SPTLC2: variants seen among roughly 807,000 people sequenced by gnomAD.
SPTLC2 encodes serine palmitoyltransferase 2.
A neutral mutation model predicts 62.0 loss-of-function variants in SPTLC2; 21 were observed. That is an observed-to-expected ratio of 0.34 (90% CI 0.24 to 0.49). SPTLC2 has a LOEUF of 0.49. Ranked by LOEUF, SPTLC2 falls within the 20% of genes least tolerant of loss-of-function variation. The pLI, the probability that SPTLC2 is intolerant of heterozygous loss-of-function variation, is 0.99. For missense variants in SPTLC2, 511 were observed against 713.0 expected (o/e 0.72, Z 3.23); for synonymous variants, 261 against 261.8 (o/e 1.00, Z 0.03).
intron 4 of SPTLC2, 22 bp from the exon 5 acceptor site, chr14:77,570,530 G>C (rs759433063): frequency 6.2e-7 from 1 of 1,607,612 alleles, no homozygotes; most frequent in Non-Finnish European, 8.5e-7. Context: ...AGTTAATAAA[G>C]TCAGTATCAC....
intron 1 of SPTLC2, among the ~76,000 whole-genome samples, chr14:77,614,195 T>C (rs2079952489): frequency 6.6e-6 from 1 of 152,220 alleles, no homozygotes; most frequent in Admixed American, 6.5e-5. Context: ...CCTTATTAGT[T>C]GGCAAGCTCT....
In SPTLC2 at chr14:77,507,204, T is replaced by C. The variant is rs1001315777; in HGVS notation, c.*5080A>G. 2.0e-5 allele frequency: 3 copies of C among 152,204 alleles called. No homozygotes were observed. Among genetic ancestry groups the C allele is most frequent in the Non-Finnish European group, 2.9e-5 (2 of 68,048 alleles). 9.4% of individuals were successfully genotyped at this position (152,204 alleles called of 1,614,324 possible). A position where few individuals can be genotyped will look rare whatever the true frequency, so the allele number is the denominator to read the frequency against. On this transcript the variant is annotated 3_prime_UTR_variant, in exon 12 of 12. Transcript: ENST00000216484. ...GGAAATGACAAAAGGAACAACAGTA[T>C]TTTCTATACATTAAAAGCAAAGGGA...
At chr14:77,549,105 A>G (rs2079543232) in intron 9 of SPTLC2, among the ~76,000 whole-genome samples, 1 of 151,358 alleles carries the variant, frequency 6.6e-6, no homozygotes, top group Admixed American at 6.6e-5. Context: ...TGTGTGGATC[A>G]TGGGGAGGAT....
chr14:77,567,008 T>TC (rs1438143895), intron 5 of SPTLC2, among the ~76,000 whole-genome samples: 1 of 152,060 alleles, frequency 6.6e-6, no homozygotes, highest in East Asian at 1.9e-4. Context: ...TCTCGCTCTG[T>TC]CCCCCAGGCT....
intron 5 of SPTLC2, among the ~76,000 whole-genome samples, chr14:77,565,982 G>C (rs1201188687): frequency 6.6e-6 from 1 of 152,130 alleles, no homozygotes; most frequent in Non-Finnish European, 1.5e-5. Flanking sequence ...AGAAAATAAA[G>C]AGAAGTCAGA....
chr14:77,527,742 T>C, intron 9 of SPTLC2, among the ~76,000 whole-genome samples: 2 of 42,954 alleles, frequency 4.7e-5, no homozygotes, highest in South Asian at 1.2e-3. Flanking sequence ...GACTGCTTTT[T>C]TTTTTGTTTT....
At chr14:77,567,825 A>G (rs1367019239) in intron 5 of SPTLC2, among the ~76,000 whole-genome samples, 8 of 128,772 alleles carry the variant, frequency 6.2e-5, no homozygotes, top group Non-Finnish European at 1.2e-4. Context: ...TTTAAGCTAC[A>G]AGCTTTACTT....
At chr14:77,533,930 G>A (rs1041099580) in intron 9 of SPTLC2, among the ~76,000 whole-genome samples, 5 of 152,028 alleles carry the variant, frequency 3.3e-5, no homozygotes, top group African/African-American at 4.8e-5. Flanking sequence ...AGGCCGAGGC[G>A]GGAGGATCCC....
At chr14:77,527,815 G>A (rs4903591) in intron 9 of SPTLC2, among the ~76,000 whole-genome samples, 1 of 151,830 alleles carries the variant, frequency 6.6e-6, no homozygotes, top group Admixed American at 6.6e-5. Flanking sequence ...AGACATTTTT[G>A]TCTTAAACTA....
Position 77,597,262 on chromosome 14 carries a change from A to T in SPTLC2, c.251T>A (p.Phe84Tyr), listed in dbSNP as rs746789628. The T allele has an allele frequency of 1.2e-6, 2 of 1,614,194 alleles. No homozygotes were observed. Among genetic ancestry groups the T allele is most frequent in the South Asian group, 2.2e-5 (2 of 91,078 alleles). Residue 84 changes from phenylalanine (F) to tyrosine (Y), a missense_variant, in exon 2 of 12, where the codon TTT becomes TAT. By Grantham distance (22) the Phe-to-Tyr change is conservative (BLOSUM62 3). Coordinates refer to ENST00000216484, the MANE Select transcript of SPTLC2 (RefSeq NM_004863.4). The part of the protein sequence containing the change: ...TYVGYGVLTL[F>Y]GYLRDFLRYW... Reference sequence around the variant, plus strand: ...CCTCAAGAAATCTCGAAGATATCCAAAGAGGGTGAGTACGCCATACCCCAC... The same window carrying T: ...CCTCAAGAAATCTCGAAGATATCCATAGAGGGTGAGTACGCCATACCCCAC...
intron 1 of SPTLC2, among the ~76,000 whole-genome samples, chr14:77,609,956 G>A (rs189833340): frequency 7.3e-4 from 111 of 152,206 alleles, no homozygotes; most frequent in Admixed American, 4.1e-3. Context: ...CATTTTTCTT[G>A]GGAGTAGAAT....
At chr14:77,573,244 G>A (rs1283056435) in intron 4 of SPTLC2, among the ~76,000 whole-genome samples, 1 of 152,168 alleles carries the variant, frequency 6.6e-6, no homozygotes, top group Non-Finnish European at 1.5e-5. Context: ...TATAGAGTTA[G>A]AAGAAATAAG....
chr14:77,522,611 G>T (rs1445831819), intron 9 of SPTLC2, among the ~76,000 whole-genome samples: 1 of 152,046 alleles, frequency 6.6e-6, no homozygotes, highest in African/African-American at 2.4e-5. Flanking sequence ...CTAAATATTT[G>T]GGCAGGTTTT....
intron 2 of SPTLC2, among the ~76,000 whole-genome samples, chr14:77,593,741 G>A (rs1028383960): frequency 2.0e-5 from 3 of 152,138 alleles, no homozygotes; most frequent in African/African-American, 7.2e-5. Context: ...CCAGGATGTG[G>A]TTATGAATAC....
At chr14:77,556,966 T>C (rs565905696) in intron 7 of SPTLC2, 75 bp downstream of exon 7, 6 of 1,183,506 alleles carry the variant, frequency 5.1e-6, no homozygotes, top group Non-Finnish European at 6.3e-6. Context: ...GATAGACTAA[T>C]GTTCCCTTCA....
At chr14:77,579,223 T>C (rs1479926582) in intron 2 of SPTLC2, 114 bp from the exon 3 acceptor site, 1 of 1,045,094 alleles carries the variant, frequency 9.6e-7, no homozygotes, top group Non-Finnish European at 1.4e-6. Context: ...AAGGGCAATT[T>C]CATTACGTGC....
Position 77,512,165 on chromosome 14 carries a change from G to T in SPTLC2, c.*119C>A. 3 of 1,437,898 alleles carry T rather than the reference G, an allele frequency of 2.1e-6. No individual in the cohort carries two copies. The highest frequency in any genetic ancestry group is 2.9e-6 in the Non-Finnish European group (3 of 1,026,874). The allele number at this position is 1,437,898 out of a possible 1,614,324, so 89.1% of individuals were successfully genotyped here. On this transcript the variant is annotated 3_prime_UTR_variant, in exon 12 of 12. Transcript: ENST00000216484. ...AGAGTGGAGGTGGCCACCTTCAGTAGCTGAGGCAATGTCTTTCACGTGAGA... is the reference window on the plus strand; with the variant it reads ...AGAGTGGAGGTGGCCACCTTCAGTATCTGAGGCAATGTCTTTCACGTGAGA...
chr14:77,592,862 C>A (rs1269519071), intron 2 of SPTLC2, among the ~76,000 whole-genome samples: 1 of 152,126 alleles, frequency 6.6e-6, no homozygotes, highest in Non-Finnish European at 1.5e-5. Flanking sequence ...GTAATCCCAG[C>A]ACTTTGGGAG....
At chr14:77,564,294 AAG>A (rs2079631534) in intron 5 of SPTLC2, among the ~76,000 whole-genome samples, 5 of 80,508 alleles carry the variant, frequency 6.2e-5, no homozygotes, top group African/African-American at 1.8e-4. Flanking sequence ...GAAAAGGAGG[AAG>A]AGGAGGAGAA....
Sources: gnomAD v4.1 joint callset for allele counts (sites outside exome capture counted in the v4.1 genomes callset) on GRCh38, gnomAD v4.1.1 for gene constraint, MANE v1.5 for transcripts, NCBI Gene and HGNC (gene_info 2026-07-23, HGNC 2026-07-21) for gene names.